Variants in MYH7B observed in about 807,000 individuals in gnomAD.
MYH7B encodes the protein myosin heavy chain 7B.
Under a neutral mutation model 234.5 loss-of-function variants are expected in MYH7B, and 205 were observed. The observed-to-expected ratio is 0.87, with a 90% CI of 0.78 to 0.98. MYH7B has a LOEUF of 0.98. MYH7B is among the 50% of genes least tolerant of loss of function. The pLI is 0.00. For synonymous variants in MYH7B, 1,193 were observed against 1,105.0 expected, an observed-to-expected ratio of 1.08 and a Z score of -1.58; for missense variants, 2,652 against 2,633.4, an observed-to-expected ratio of 1.01 and a Z score of -0.15.
chr20:34,975,806 C>T (rs1482674428), intron 3 of MYH7B, among the ~76,000 whole-genome samples: 2 of 152,288 alleles, frequency 1.3e-5, no homozygotes, highest in Admixed American at 6.5e-5. Context: ...AGCTCTGCCT[C>T]CCGGGTTCAC....
chr20:35,002,205 GCT>G, exon 45 of MYH7B: 1 of 1,518,166 alleles, frequency 6.6e-7, no homozygotes. Flanking sequence ...GACCCCCTGG[GCT>G]CTAAAGAGGA....
chr20:34,973,578 G>C (rs2081813131), intron 2 of MYH7B, among the ~76,000 whole-genome samples: 1 of 152,166 alleles, frequency 6.6e-6, no homozygotes, highest in South Asian at 2.1e-4. Flanking sequence ...AGTCTTCCTT[G>C]GTGCTGGCAG....
chr20:34,976,541 A>G (rs1451912945), intron 3 of MYH7B, among the ~76,000 whole-genome samples: 1 of 152,250 alleles, frequency 6.6e-6, no homozygotes, highest in East Asian at 1.9e-4. Flanking sequence ...TATCAGGCAG[A>G]TGGACTGCCA....
intron 40 of MYH7B, 35 bp downstream of exon 40, chr20:35,000,928 C>G (rs375181656): frequency 3.7e-5 from 59 of 1,609,738 alleles, no homozygotes; most frequent in Non-Finnish European, 4.8e-5. Context: ...GAGCCTGGGA[C>G]AGAATTGCAG....
intron 8 of MYH7B, 39 bp downstream of exon 8, chr20:34,980,773 G>A (rs73905025): frequency 0.019 from 30,357 of 1,601,648 alleles, 797 homozygotes; most frequent in African/African-American, 0.13. Flanking sequence ...CGCAGACCCC[G>A]ACCTCGGTCC....
chr20:34,996,276 C>T, intron 28 of MYH7B, 70 bp from the exon 29 acceptor site: 1 of 1,515,780 alleles, frequency 6.6e-7, no homozygotes, highest in Non-Finnish European at 8.9e-7. Context: ...TTGCTCTGAC[C>T]TGGTGTGGTG....
At chr20:34,990,683 C>A in intron 22 of MYH7B, 55 bp from the exon 23 acceptor site, 1 of 1,549,488 alleles carries the variant, frequency 6.5e-7, no homozygotes. Context: ...CTGCGGCATC[C>A]AATTCTGGTT....
In MYH7B at chr20:34,984,711, C is replaced by T. The variant is rs200297719; in HGVS notation, c.644C>T (p.Thr215Met). 1.1e-4 allele frequency: 183 copies of T among 1,604,398 alleles called. No homozygotes were observed. In the African/African-American group the frequency reaches 1.4e-3, roughly 12 times the overall value. The change falls in exon 11 of 45, where the codon ACG (threonine) becomes ATG (methionine). Residue 215 changes from threonine (T) to methionine (M), a missense_variant. By Grantham distance (81) the Thr-to-Met change is moderately conservative (BLOSUM62 -1). Around this residue, in one of 3 missense-constraint regions of MYH7B, gnomAD observed 366 missense variants for 401.2 expected, o/e 0.91. Transcript: ENST00000262873. ...CCCCAGCAATTTCTGGCAACAAAGA[C>T]GGGGGTGAGTATGGGGCCAATGTCA...
exon 44 of MYH7B, chr20:35,001,951 C>A: frequency 6.2e-7 from 1 of 1,612,320 alleles, no homozygotes; most frequent in South Asian, 1.1e-5. Flanking sequence ...CCCCCAGGAG[C>A]AGCAGGCCAA....
chr20:34,994,254 G>A, exon 27 of MYH7B: 1 of 1,613,064 alleles, frequency 6.2e-7, no homozygotes, highest in Non-Finnish European at 8.5e-7. Context: ...GCTCGGCGCA[G>A]GCTGAGGAGG....
intron 2 of MYH7B, among the ~76,000 whole-genome samples, chr20:34,973,265 C>T (rs1432535693): frequency 6.6e-6 from 1 of 152,222 alleles, no homozygotes; most frequent in Non-Finnish European, 1.5e-5. Flanking sequence ...AGCCACTGCG[C>T]CCAGCCTTCA....
In MYH7B at chr20:34,979,688, C is replaced by T. The variant is rs1378209037; in HGVS notation, c.226C>T (p.Gln76Ter). Residue 76 changes from glutamine (Q) to a stop codon, truncating the protein, a stop_gained, in exon 7 of 45, where the codon CAG becomes TAG. Transcript: ENST00000262873. LOFTEE classifies it high-confidence loss of function. ...GCTGATGGTGCGTGAAGCCGAGCTG[C>T]AGCCCATGAACCCGCCTCGCTTCGA... The T allele has an allele frequency of 6.2e-7, 1 of 1,614,054 alleles. No individual in the cohort carries two copies. Among genetic ancestry groups the T allele is most frequent in the Non-Finnish European group, 8.5e-7 (1 of 1,180,024 alleles).
At chr20:34,963,296 T>G (rs922567820) in intron 2 of MYH7B, among the ~76,000 whole-genome samples, 7 of 152,252 alleles carry the variant, frequency 4.6e-5, no homozygotes, top group African/African-American at 1.7e-4. Context: ...GTGGCCATCC[T>G]GGTTGGTCAT....
In MYH7B at chr20:34,987,512, C is replaced by T. The variant is rs200565022; in HGVS notation, c.1148-45C>T. ...GCTGAGGCAGTAGAGCCCCTGAGTG[C>T]GCATGGTGGTGTCCTCCTCCCTTAC... On this transcript the variant is annotated intron_variant, in intron 16 of 44. Coordinates refer to ENST00000262873, the Ensembl canonical transcript of MYH7B. The T allele has an allele frequency of 2.2e-4, 337 of 1,512,242 alleles. No homozygotes were observed. In the African/African-American group the frequency reaches 2.8e-3, roughly 12 times the overall value. The allele number at this position is 1,512,242 out of a possible 1,614,324, so 93.7% of individuals were successfully genotyped here.
chr20:34,983,286 TTCTTTTCTTTTC>T (rs2081966171), intron 10 of MYH7B, among the ~76,000 whole-genome samples: 1 of 73,996 alleles, frequency 1.4e-5, no homozygotes, highest in Non-Finnish European at 2.5e-5. Flanking sequence ...TTTCTTTCTT[TTCTTTTCTTTTC>T]TTTTTTTTTT....
chr20:34,993,104 AC>A lies in MYH7B; in HGVS notation c.2188del (p.Arg730ValfsTer3). The A allele has an allele frequency of 6.2e-7, 1 of 1,612,676 alleles. No individual in the cohort carries two copies. The highest frequency in any genetic ancestry group is 8.5e-7 in the Non-Finnish European group (1 of 1,179,230). Reference sequence around the variant, plus strand: ...CCAGCTCTGCCCTCCTTTCCCAGGTACCGTATCCTGAACCCCAGTGCCATCC... The same window carrying A: ...CCAGCTCTGCCCTCCTTTCCCAGGTACGTATCCTGAACCCCAGTGCCATCC... On this transcript the variant is annotated frameshift_variant, in exon 25 of 45. Transcript: ENST00000262873. LOFTEE classifies it high-confidence loss of function.
exon 19 of MYH7B, chr20:34,988,126 C>T (rs374511682): frequency 6.2e-7 from 1 of 1,613,970 alleles, no homozygotes; most frequent in African/African-American, 1.3e-5. Flanking sequence ...ATCAACTTCA[C>T]CAATGAGAAA....
intron 41 of MYH7B, 29 bp from the exon 42 acceptor site, chr20:35,001,216 T>C (rs779230429): frequency 2.5e-6 from 4 of 1,606,260 alleles, no homozygotes; most frequent in South Asian, 1.1e-5. Flanking sequence ...AGGGGTGGGC[T>C]TGGCATCAGG....
chr20:34,995,171 C>G (rs990877406), intron 27 of MYH7B, among the ~76,000 whole-genome samples, 165 bp from the exon 28 acceptor site: 8 of 152,274 alleles, frequency 5.3e-5, no homozygotes, highest in African/African-American at 7.2e-5. Context: ...TCCCTCTGCG[C>G]TATTGCCCTT....
Sources: gnomAD v4.1 joint callset for allele counts (sites outside exome capture counted in the v4.1 genomes callset) on GRCh38, gnomAD v4.1.1 for gene constraint, gnomAD v4.1.1 regional missense constraint, MANE v1.5 for transcripts, NCBI Gene and HGNC (gene_info 2026-07-23, HGNC 2026-07-21) for gene names.